The following TTC27 variants were observed in gnomAD, a reference collection of about 807,000 sequenced individuals.
TTC27 encodes the protein tetratricopeptide repeat domain 27, also known as tetratricopeptide repeat protein 27.
TTC27 carries 79 observed loss-of-function variants against 115.9 expected under a neutral mutation model. That is an observed-to-expected ratio of 0.68 (90% CI 0.57 to 0.82). The LOEUF is 0.82. Among genes scored for constraint, TTC27 ranks in the 40% least tolerant of loss-of-function variants. The pLI, the probability that TTC27 is intolerant of heterozygous loss-of-function variation, is 0.00. For missense variants in TTC27, 1,054 were observed against 993.1 expected, an observed-to-expected ratio of 1.06 and a Z score of -0.82; for synonymous variants, 401 against 356.0, an observed-to-expected ratio of 1.13 and a Z score of -1.42.
intron 9 of TTC27, among the ~76,000 whole-genome samples, chr2:32,694,938 C>G (rs1413536769): frequency 6.6e-6 from 1 of 152,002 alleles, no homozygotes; most frequent in Non-Finnish European, 1.5e-5. Context: ...CTTGGCCTCC[C>G]AAAGTGCTGG....
chr2:32,814,019 G>T (rs1316581660), intron 18 of TTC27, among the ~76,000 whole-genome samples: 1 of 152,158 alleles, frequency 6.6e-6, no homozygotes, highest in Non-Finnish European at 1.5e-5. Context: ...TGTGGATATT[G>T]TATGATATTT....
intron 13 of TTC27, among the ~76,000 whole-genome samples, chr2:32,759,891 A>G (rs1284313556): frequency 6.6e-6 from 1 of 152,210 alleles, no homozygotes; most frequent in Non-Finnish European, 1.5e-5. Flanking sequence ...AATGTCCTGA[A>G]GGTTCCTTCA....
At chr2:32,765,933 G>A (rs1202562013) in intron 13 of TTC27, among the ~76,000 whole-genome samples, 2 of 152,188 alleles carry the variant, frequency 1.3e-5, no homozygotes, top group African/African-American at 4.8e-5. Flanking sequence ...TGAAGAGAAT[G>A]TTATGGCTGG....
At chr2:32,689,187 A>T (rs1666734912) in intron 9 of TTC27, among the ~76,000 whole-genome samples, 1 of 152,164 alleles carries the variant, frequency 6.6e-6, no homozygotes, top group South Asian at 2.1e-4. Flanking sequence ...GATTGATTAC[A>T]AAATGTTGCA....
rs1244523716 is a variant in TTC27 at position 32,723,387 on chromosome 2, G to A, written c.1234-10441G>A. Among the ~76,000 whole-genome samples, 5 of 152,112 alleles carry A rather than the reference G, an allele frequency of 3.3e-5. No homozygotes were observed. The East Asian group carries it at 9.7e-4, about 29-fold the overall frequency. ...TAGCCCGCAGAGATTCAGGGTTAGAGTGTTGATTATGGGCATGTTTGGGAA... is the reference window on the plus strand; with the variant it reads ...TAGCCCGCAGAGATTCAGGGTTAGAATGTTGATTATGGGCATGTTTGGGAA... On this transcript the variant is annotated intron_variant, in intron 10 of 19. Transcript: ENST00000317907.
chr2:32,810,452 G>C (rs895653020), intron 16 of TTC27, among the ~76,000 whole-genome samples: 2 of 152,220 alleles, frequency 1.3e-5, no homozygotes, highest in Non-Finnish European at 2.9e-5. Flanking sequence ...CAAATTAGTA[G>C]TTGTGGCAGA....
At chr2:32,730,522 C>T (rs1347420252) in intron 10 of TTC27, among the ~76,000 whole-genome samples, 3 of 146,724 alleles carry the variant, frequency 2.0e-5, no homozygotes, top group African/African-American at 7.7e-5. Flanking sequence ...AACAATGTCC[C>T]TGTCTTTTTA....
intron 10 of TTC27, among the ~76,000 whole-genome samples, chr2:32,721,620 CTTTTTT>C (rs58839860): frequency 2.2e-5 from 3 of 137,340 alleles, no homozygotes; most frequent in African/African-American, 5.4e-5. Context: ...CTCTCTCTCT[CTTTTTT>C]TTTTTTTTTT....
At position 32,650,239 on chromosome 2, in the gene TTC27, T is replaced by C. The variant is rs1027657060; in HGVS notation, c.640+6T>C. 1 of 1,611,494 alleles carries C rather than the reference T, an allele frequency of 6.2e-7. No homozygotes were observed. Among genetic ancestry groups the C allele is most frequent in the African/African-American group, 1.3e-5 (1 of 74,888 alleles). On this transcript the variant is annotated splice_donor_region_variant and intron_variant, in intron 5 of 19. Transcript: ENST00000317907. Reference sequence around the variant, plus strand: ...CGAAAACTGTATTGATCAAGGTATGTAGCAGATTTTTGTTTGATATGGGCA... The same window carrying C: ...CGAAAACTGTATTGATCAAGGTATGCAGCAGATTTTTGTTTGATATGGGCA...
At chr2:32,807,555 T>C (rs1457482857) in intron 16 of TTC27, among the ~76,000 whole-genome samples, 1 of 152,228 alleles carries the variant, frequency 6.6e-6, no homozygotes, top group Non-Finnish European at 1.5e-5. Flanking sequence ...ATTTTAACAA[T>C]TTTGGTTAAA....
chr2:32,754,674 G>A (rs191183795), intron 12 of TTC27, among the ~76,000 whole-genome samples: 50,216 of 150,704 alleles, frequency 0.33, 9,007 homozygotes, highest in Non-Finnish European at 0.39. Flanking sequence ...CCTCCCAGAC[G>A]GGGTCGTGGC....
intron 10 of TTC27, among the ~76,000 whole-genome samples, chr2:32,716,113 C>T (rs558505812): frequency 3.9e-5 from 6 of 152,232 alleles, no homozygotes; most frequent in African/African-American, 9.6e-5. Context: ...TCTTTCTATG[C>T]GTAAGCATAA....
At chr2:32,736,412 T>C (rs1322737845) in intron 11 of TTC27, among the ~76,000 whole-genome samples, 1 of 152,170 alleles carries the variant, frequency 6.6e-6, no homozygotes, top group Non-Finnish European at 1.5e-5. Context: ...AAAAGAAATA[T>C]TTATTTTTGC....
intron 5 of TTC27, among the ~76,000 whole-genome samples, chr2:32,657,426 T>C (rs1466224420): frequency 6.6e-6 from 1 of 150,456 alleles, no homozygotes; most frequent in Non-Finnish European, 1.5e-5. Flanking sequence ...TGATCTTGGC[T>C]CACTGCAAGC....
intron 8 of TTC27, 102 bp downstream of exon 8, chr2:32,672,486 T>TACAA: frequency 1.2e-6 from 1 of 848,772 alleles, no homozygotes; most frequent in Non-Finnish European, 1.9e-6. Flanking sequence ...TCTGGATGAA[T>TACAA]AGGGAATTTT....
At position 32,695,140 on chromosome 2, in the gene TTC27, CA is replaced by C. The variant is rs1261259585; in HGVS notation, c.1120-7666del. Among the ~76,000 whole-genome samples, 3 of 152,106 alleles carry C rather than the reference CA, an allele frequency of 2.0e-5. No homozygotes were observed. In the South Asian group the frequency reaches 6.2e-4, roughly 32 times the overall value. ...TGCAACCATCAGTATTATCAATATGCAGAACTTTTTCAGCTTTCCAAACTCT... is the reference window on the plus strand; with the variant it reads ...TGCAACCATCAGTATTATCAATATGCGAACTTTTTCAGCTTTCCAAACTCT... On this transcript the variant is annotated intron_variant, in intron 9 of 19. Transcript: ENST00000317907.
At chr2:32,686,204 A>G (rs777915182) in intron 9 of TTC27, among the ~76,000 whole-genome samples, 6 of 152,366 alleles carry the variant, frequency 3.9e-5, no homozygotes, top group South Asian at 4.1e-4. Flanking sequence ...TGGATTTACC[A>G]TATCTGTGGA....
chr2:32,711,747 C>T (rs756779078), intron 10 of TTC27, among the ~76,000 whole-genome samples: 3 of 152,034 alleles, frequency 2.0e-5, no homozygotes, highest in Non-Finnish European at 4.4e-5. Flanking sequence ...CAAGACTAGC[C>T]TGGCCAAAAT....
chr2:32,663,677 T>C (rs1665644838), intron 5 of TTC27, among the ~76,000 whole-genome samples: 2 of 149,484 alleles, frequency 1.3e-5, no homozygotes, highest in Non-Finnish European at 3.0e-5. Flanking sequence ...TGTATGTATG[T>C]ATGTATTTAT....
Sources: gnomAD v4.1 joint callset for allele counts (sites outside exome capture counted in the v4.1 genomes callset) on GRCh38, gnomAD v4.1.1 for gene constraint, MANE v1.5 for transcripts, NCBI Gene and HGNC (gene_info 2026-07-23, HGNC 2026-07-21) for gene names.